BORA: variants seen among roughly 807,000 people sequenced by gnomAD.
BORA encodes the protein BORA aurora kinase A activator.
A neutral mutation model predicts 55.8 loss-of-function variants in BORA; 26 were observed. The ratio of observed to expected loss-of-function variants is 0.47; its 90% CI spans 0.34 to 0.65. The LOEUF (loss-of-function observed/expected upper bound fraction) is 0.65, where lower values mean the gene tolerates loss of function less well. Among genes scored for constraint, BORA ranks in the 30% least tolerant of loss-of-function variants. The pLI is 0.01. For missense variants in BORA, 568 were observed against 671.5 expected (o/e 0.85, Z 1.70); for synonymous variants, 201 against 216.9 (o/e 0.93, Z 0.64).
chr13:72,729,044 A>G lies in BORA; in HGVS notation c.104A>G (p.His35Arg). 6.3e-7 allele frequency: 1 copy of G among 1,599,142 alleles called. No homozygotes were observed. The highest frequency in any genetic ancestry group is 8.5e-7 in the Non-Finnish European group (1 of 1,175,178). ...FESPSDYSNL[H>R]EQTLASPSVF... ...AGTCCTAGTGATTATTCTAATCTCC[A>G]TGAACAAACTCTCGCCAGTCCTTCT... The change falls in exon 2 of 12, where the codon CAT becomes CGT. Residue 35 changes from histidine (H) to arginine (R), a missense_variant. Transcript: ENST00000390667.
chr13:72,743,752 C>G, intron 6 of BORA, 150 bp downstream of exon 6: 2 of 581,682 alleles, frequency 3.4e-6, no homozygotes, highest in Non-Finnish European at 5.7e-6. Context: ...GAGACAGGGT[C>G]ACACTCTGTC....
At chr13:72,732,655 G>T (rs900631135) in intron 3 of BORA, among the ~76,000 whole-genome samples, 6 of 151,722 alleles carry the variant, frequency 4.0e-5, no homozygotes, top group African/African-American at 7.3e-5. Context: ...CTAGCCTGGG[G>T]GACAGAGCAA....
At chr13:72,728,097 C>A in intron 1 of BORA, 90 bp downstream of exon 1, 1 of 1,518,890 alleles carries the variant, frequency 6.6e-7, no homozygotes, top group Non-Finnish European at 8.9e-7. Context: ...GCCCGCTCGC[C>A]CCTGGTGAAT....
At chr13:72,744,651 T>G (rs1475932180) in intron 7 of BORA, 90 bp downstream of exon 7, 1 of 955,172 alleles carries the variant, frequency 1.0e-6, no homozygotes, top group Non-Finnish European at 1.6e-6. Flanking sequence ...GGGAAATATG[T>G]GGCAGTGCCT....
intron 8 of BORA, among the ~76,000 whole-genome samples, 153 bp downstream of exon 8, chr13:72,745,360 T>C (rs922135789): frequency 1.3e-5 from 2 of 152,172 alleles, no homozygotes; most frequent in Non-Finnish European, 2.9e-5. Flanking sequence ...GGAAGGGCCT[T>C]TACTGGCCTA....
chr13:72,739,892 G>C (rs2033002222), intron 5 of BORA, among the ~76,000 whole-genome samples: 1 of 152,090 alleles, frequency 6.6e-6, no homozygotes, highest in South Asian at 2.1e-4. Flanking sequence ...TTGGGTCCAG[G>C]GCATTATCCA....
In BORA at chr13:72,745,128, T is replaced by A; in HGVS notation, c.659T>A (p.Val220Asp). The A allele has an allele frequency of 1.9e-6, 3 of 1,614,138 alleles. No individual in the cohort carries two copies. Among genetic ancestry groups the A allele is most frequent in the Non-Finnish European group, 2.5e-6 (3 of 1,179,980 alleles). ...SASPGSPHSGVQTSLEMFYSI... is the reference protein window; with the variant it reads ...SASPGSPHSGDQTSLEMFYSI... The stretch of plus-strand genomic sequence containing the variant: ...TCTCCCGGAAGTCCTCACAGTGGTG[T>A]TCAAACATCACTAGAGATGTTTTAT... The change falls in exon 8 of 12, where the codon GTT (valine) becomes GAT (aspartate). Residue 220 changes from valine to aspartate, a missense_variant. Physicochemically the swap from Val to Asp is radical, Grantham distance 152. Coordinates refer to ENST00000390667, the MANE Select transcript of BORA (RefSeq NM_024808.5).
At chr13:72,729,230 T>A (rs1382328428) in intron 2 of BORA, 137 bp downstream of exon 2, 4 of 760,680 alleles carry the variant, frequency 5.3e-6, no homozygotes, top group African/African-American at 1.8e-5. Flanking sequence ...TATACTTTTT[T>A]AAATTGTAGT....
In BORA at chr13:72,727,961, C is replaced by T. The variant is rs759286536; in HGVS notation, c.-62C>T. Reference sequence around the variant, plus strand: ...CTGTCGTGGAAGCTGGCCTGGCCCCCGGAGCTCCCTGGAGTCGGTACTGGG... The same window carrying T: ...CTGTCGTGGAAGCTGGCCTGGCCCCTGGAGCTCCCTGGAGTCGGTACTGGG... On this transcript the variant is annotated 5_prime_UTR_variant, in exon 1 of 12. Transcript: ENST00000390667. The T allele has an allele frequency of 1.3e-5, 20 of 1,550,616 alleles. No homozygotes were observed. In the Admixed American group the frequency reaches 2.7e-4, roughly 21 times the overall value.
At chr13:72,751,640 T>C (rs146767761) in intron 10 of BORA, among the ~76,000 whole-genome samples, 140 of 152,254 alleles carry the variant, frequency 9.2e-4, no homozygotes, top group African/African-American at 3.3e-3. Flanking sequence ...GATACAAAAG[T>C]ACAGCTCGAT....
chr13:72,731,818 G>A (rs1454360483), intron 3 of BORA, among the ~76,000 whole-genome samples: 1 of 152,136 alleles, frequency 6.6e-6, no homozygotes, highest in Admixed American at 6.5e-5. Flanking sequence ...AAAGAGTTAC[G>A]TATGCACTGA....
chr13:72,750,224 C>G (rs2033236986), intron 10 of BORA, among the ~76,000 whole-genome samples: 1 of 152,076 alleles, frequency 6.6e-6, no homozygotes, highest in Non-Finnish European at 1.5e-5. Context: ...GCATTTTAAG[C>G]AGGAAAGAAT....
In BORA at chr13:72,727,939, T is replaced by A; in HGVS notation, c.-84T>A. ...CGGGGAGTTAAAGAGTCTATGCCTG[T>A]CGTGGAAGCTGGCCTGGCCCCCGGA... On this transcript the variant is annotated 5_prime_UTR_variant, in exon 1 of 12. Transcript: ENST00000390667. 1 of 1,550,634 alleles carries A rather than the reference T, an allele frequency of 6.4e-7. No individual in the cohort carries two copies. Among genetic ancestry groups the A allele is most frequent in the Non-Finnish European group, 8.7e-7 (1 of 1,146,990 alleles).
At position 72,729,048 on chromosome 13, in the gene BORA, A is replaced by T. The variant is rs1290453155; in HGVS notation, c.108A>T (p.Glu36Asp). The T allele has an allele frequency of 1.3e-6, 2 of 1,598,936 alleles. No individual in the cohort carries two copies. The highest frequency in any genetic ancestry group is 2.3e-5 in the South Asian group (2 of 87,806). ...ESPSDYSNLH[E>D]QTLASPSVFK... ...CTAGTGATTATTCTAATCTCCATGA[A>T]CAAACTCTCGCCAGTCCTTCTGTTT... Residue 36 changes from glutamate (E) to aspartate (D), a missense_variant, in exon 2 of 12, where the codon GAA becomes GAT. Transcript: ENST00000390667.
chr13:72,733,986 A>G (rs1012203499), intron 3 of BORA, among the ~76,000 whole-genome samples: 1 of 152,164 alleles, frequency 6.6e-6, no homozygotes, highest in African/African-American at 2.4e-5. Flanking sequence ...GTTCTCACTT[A>G]TAAGTGGGAG....
intron 7 of BORA, 26 bp from the exon 8 acceptor site, chr13:72,744,955 G>A (rs376014028): frequency 1.3e-6 from 2 of 1,591,560 alleles, no homozygotes; most frequent in African/African-American, 1.3e-5. Context: ...GACTAGCTTT[G>A]CCTTTTCTCC....
At position 72,748,728 on chromosome 13, in the gene BORA, TTCTC is replaced by T. The variant is rs58975643; in HGVS notation, c.1482+1645_1482+1648del. On this transcript the variant is annotated intron_variant, in intron 10 of 11. Transcript: ENST00000390667. Reference sequence around the variant, plus strand: ...CTTTTACTCTCTGCCTTTTTTCACTTTCTCTCTCTCTCTCTCTCTCTCTCTCTCT... The same window carrying T: ...CTTTTACTCTCTGCCTTTTTTCACTTTCTCTCTCTCTCTCTCTCTCTCTCT... Among the ~76,000 whole-genome samples the T allele has an allele frequency of 4.4e-3, 612 of 137,804 alleles. 5 individuals are homozygous for T. Among genetic ancestry groups the T allele is most frequent in the African/African-American group, 0.014 (588 of 40,766 alleles). The allele number at this position is 137,804 out of a possible 152,430, so 90.4% of individuals were successfully genotyped here. A position where few individuals can be genotyped will look rare whatever the true frequency, so the allele number is the denominator to read the frequency against.
intron 4 of BORA, among the ~76,000 whole-genome samples, chr13:72,737,336 A>T (rs1300566063): frequency 1.1e-4 from 17 of 152,218 alleles, no homozygotes. Context: ...GAAAGGAAGA[A>T]TAGTGGCACA....
In BORA at chr13:72,755,420, A is replaced by AT; in HGVS notation, c.*210dup. 1.9e-6 allele frequency: 1 copy of AT among 521,656 alleles called. No homozygotes were observed. Among genetic ancestry groups the AT allele is most frequent in the Non-Finnish European group, 3.4e-6 (1 of 295,822 alleles). The allele number at this position is 521,656 out of a possible 1,614,324, so 32.3% of individuals were successfully genotyped here. On this transcript the variant is annotated 3_prime_UTR_variant, in exon 12 of 12. Transcript: ENST00000390667. ...CTTCAAGTTGCTGAATTATAAGTTT[A>AT]TTTTTTATCAATAAATATTTTTATA...
Sources: allele counts gnomAD v4.1 joint callset (sites outside exome capture counted in the v4.1 genomes callset), GRCh38; gene constraint gnomAD v4.1.1; transcripts MANE v1.5; gene names NCBI Gene and HGNC (gene_info 2026-07-23, HGNC 2026-07-21).